TOP1MT: variants seen among roughly 807,000 people sequenced by gnomAD.
The protein encoded by TOP1MT is DNA topoisomerase I, mitochondrial.
A neutral mutation model predicts 73.9 loss-of-function variants in TOP1MT; 80 were observed. That is an observed-to-expected ratio of 1.08 (90% CI 0.90 to 1.30). TOP1MT has a LOEUF of 1.30. Ranked by LOEUF, TOP1MT falls within the 50% of genes most tolerant of loss-of-function variation. TOP1MT has a pLI of 0.00. For synonymous variants in TOP1MT, 338 were observed against 326.4 expected (o/e 1.04, Z -0.38); for missense variants, 815 against 808.0 (o/e 1.01, Z -0.10).
chr8:143,326,420 G>C, intron 3 of TOP1MT, 76 bp from the exon 4 acceptor site: 1 of 1,585,758 alleles, frequency 6.3e-7, no homozygotes, highest in Non-Finnish European at 8.6e-7. Flanking sequence ...ATGTCTGACG[G>C]ACAGAAACGC....
At chr8:143,319,994 G>T (rs1816284723) in intron 8 of TOP1MT, among the ~76,000 whole-genome samples, 1 of 151,696 alleles carries the variant, frequency 6.6e-6, no homozygotes. Flanking sequence ...CTTGGTGGCA[G>T]GCACCTGTAA....
chr8:143,349,913 T>C (rs1439080178), upstream of TOP1MT, among the ~76,000 whole-genome samples: 1 of 152,202 alleles, frequency 6.6e-6, no homozygotes, highest in Non-Finnish European at 1.5e-5. Flanking sequence ...AGTGCTGGGA[T>C]TACAGGCACG....
At chr8:143,350,096 C>CAGCA (rs1817295884) in intron 1 of TOP1MT, 1 of 152,258 alleles carries the variant, frequency 6.6e-6, no homozygotes, top group Non-Finnish European at 1.5e-5. Flanking sequence ...AACTCCAAGA[C>CAGCA]AGCACATCGT....
At chr8:143,354,977 A>G (rs1418619917) in intron 1 of TOP1MT, among the ~76,000 whole-genome samples, 1 of 152,224 alleles carries the variant, frequency 6.6e-6, no homozygotes, top group Non-Finnish European at 1.5e-5. Flanking sequence ...AGCAACATTT[A>G]ACGCTTGGGA....
chr8:143,320,659 C>T (rs1344462525), intron 8 of TOP1MT, among the ~76,000 whole-genome samples: 1 of 152,188 alleles, frequency 6.6e-6, no homozygotes, highest in Non-Finnish European at 1.5e-5. Context: ...AATACGACAG[C>T]GTCCTTGTGA....
At chr8:143,327,121 G>A (rs1281108760) in intron 3 of TOP1MT, among the ~76,000 whole-genome samples, 1 of 152,180 alleles carries the variant, frequency 6.6e-6, no homozygotes, top group Admixed American at 6.5e-5. Flanking sequence ...GTGGTGCTGG[G>A]GATTCAGTTT....
rs1816635636 is a variant in TOP1MT at position 143,324,075 on chromosome 8, G to A, written c.884C>T (p.Ser295Phe). The A allele has an allele frequency of 6.2e-7, 1 of 1,613,922 alleles. No individual in the cohort carries two copies. Among genetic ancestry groups the A allele is most frequent in the Non-Finnish European group, 8.5e-7 (1 of 1,180,032 alleles). The change falls in exon 7 of 14, where the codon TCC becomes TTC. Residue 295 changes from serine (S) to phenylalanine (F), a missense_variant. Around this residue, in one of 3 missense-constraint regions of TOP1MT, gnomAD observed 751 missense variants for 725.4 expected, o/e 1.04. Transcript: ENST00000329245. The stretch of plus-strand genomic sequence containing the variant: ...AGACTTCCAGTCAGCCCGGTACTGG[G>A]AGCGGATCTCGTCCACAAATCCCCG... ...RLRGFVDEIR[S>F]QYRADWKSRE...
intron 2 of TOP1MT, among the ~76,000 whole-genome samples, chr8:143,331,004 C>A (rs1385594909): frequency 6.6e-6 from 1 of 152,190 alleles, no homozygotes; most frequent in African/African-American, 2.4e-5. Flanking sequence ...CCAGTGCAGG[C>A]TCAGCAGGAA....
chr8:143,335,660 C>T (rs987534352), upstream of TOP1MT, among the ~76,000 whole-genome samples: 8 of 152,272 alleles, frequency 5.3e-5, no homozygotes, highest in East Asian at 5.8e-4. Context: ...CTGGCAGCAC[C>T]GCAGCCTTGG....
intron 12 of TOP1MT, chr8:143,310,524 C>T (rs1273802299): frequency 1.1e-5 from 3 of 268,724 alleles, no homozygotes; most frequent in Admixed American, 5.3e-5. Context: ...ATGAGGGCAG[C>T]GAGACCAGGC....
intron 2 of TOP1MT, among the ~76,000 whole-genome samples, chr8:143,342,277 TAG>T (rs1233336521): frequency 1.4e-5 from 2 of 140,906 alleles, no homozygotes; most frequent in Non-Finnish European, 3.0e-5. Flanking sequence ...TTATTATTAT[TAG>T]AGACAGAGTC....
At chr8:143,351,171 T>C (rs1321920344) in intron 1 of TOP1MT, among the ~76,000 whole-genome samples, 1 of 152,184 alleles carries the variant, frequency 6.6e-6, no homozygotes, top group Non-Finnish European at 1.5e-5. Flanking sequence ...CATCCCCACA[T>C]CTTTGTTGTA....
chr8:143,326,384 G>T, intron 3 of TOP1MT, 40 bp from the exon 4 acceptor site: 2 of 1,612,194 alleles, frequency 1.2e-6, no homozygotes, highest in Admixed American at 1.7e-5. Context: ...CATGTCTGAA[G>T]GACAGACATG....
intron 7 of TOP1MT, among the ~76,000 whole-genome samples, chr8:143,321,790 C>CGG (rs1816397680): frequency 1.2e-5 from 1 of 80,720 alleles, no homozygotes; most frequent in East Asian, 5.5e-4. Context: ...ACGCCACACA[C>CGG]GCACGCCACA....
At position 143,309,381 on chromosome 8, in the gene TOP1MT, C is replaced by T; in HGVS notation, c.*60G>A. On this transcript the variant is annotated 3_prime_UTR_variant, in exon 14 of 14. Coordinates refer to ENST00000329245, the MANE Select transcript of TOP1MT (RefSeq NM_052963.3). ...TTTTATTGTACAAAATTCCCCAGTA[C>T]TGCTTTAATAGTGAAAAAAACACAC... 6.4e-7 allele frequency: 1 copy of T among 1,557,346 alleles called. No individual in the cohort carries two copies. Among genetic ancestry groups the T allele is most frequent in the Non-Finnish European group, 8.8e-7 (1 of 1,137,892 alleles).
upstream of TOP1MT, among the ~76,000 whole-genome samples, chr8:143,358,942 T>G (rs1817457826): frequency 6.6e-6 from 1 of 152,214 alleles, no homozygotes; most frequent in Non-Finnish European, 1.5e-5. Flanking sequence ...TATTCCTGGG[T>G]GTGATATGCC....
In TOP1MT at chr8:143,326,844, C is replaced by T. The variant is rs186519749; in HGVS notation, c.361-500G>A. Among the ~76,000 whole-genome samples, 16 of 152,300 alleles carry T rather than the reference C, an allele frequency of 1.1e-4. No homozygotes were observed. In the East Asian group the frequency reaches 2.9e-3, roughly 28 times the overall value. ...TGCTGCTGCCACAAAATACCGGGGA[C>T]TGGTCAGTTGTAAATCATAGTCACA... On this transcript the variant is annotated intron_variant, in intron 3 of 13. Coordinates refer to ENST00000329245, the MANE Select transcript of TOP1MT (RefSeq NM_052963.3).
chr8:143,338,496 G>A (rs1230177667), upstream of TOP1MT, among the ~76,000 whole-genome samples: 1 of 152,016 alleles, frequency 6.6e-6, no homozygotes, highest in Non-Finnish European at 1.5e-5. Context: ...GAACCCGGGA[G>A]GTGGAGGCTG....
chr8:143,342,227 CTATTAT>C (rs374232306), intron 2 of TOP1MT, among the ~76,000 whole-genome samples: 25 of 59,590 alleles, frequency 4.2e-4, no homozygotes, highest in Admixed American at 2.9e-3. Context: ...GAGTCTCGCT[CTATTAT>C]TATTATTATT....
Sources: gnomAD v4.1 joint callset for allele counts (sites outside exome capture counted in the v4.1 genomes callset) on GRCh38, gnomAD v4.1.1 for gene constraint, gnomAD v4.1.1 regional missense constraint, MANE v1.5 for transcripts, NCBI Gene and HGNC (gene_info 2026-07-23, HGNC 2026-07-21) for gene names.